Variants in DHX9 observed in about 807,000 individuals in gnomAD.
The protein encoded by DHX9 is ATP-dependent RNA helicase A.
Under a neutral mutation model 148.7 loss-of-function variants are expected in DHX9, and 27 were observed. That is an observed-to-expected ratio of 0.18 (90% CI 0.13 to 0.25). DHX9 has a LOEUF of 0.25. Among genes scored for constraint, DHX9 ranks in the 10% least tolerant of loss-of-function variants. The pLI, the probability that DHX9 is intolerant of heterozygous loss-of-function variation, is 1.00. For synonymous variants in DHX9, 529 were observed against 516.6 expected, an observed-to-expected ratio of 1.02 and a Z score of -0.33; for missense variants, 796 against 1,559.6, an observed-to-expected ratio of 0.51 and a Z score of 8.25.
intron 20 of DHX9, among the ~76,000 whole-genome samples, chr1:182,878,853 A>G (rs147156057): frequency 6.6e-5 from 10 of 152,376 alleles, no homozygotes; most frequent in African/African-American, 2.2e-4. Context: ...CTAAAATTAC[A>G]TGAACTAGGA....
rs754968514 is a variant in DHX9 at position 182,860,004 on chromosome 1, G to A, written c.1152G>A (p.Glu384=). 2.0e-5 allele frequency: 33 copies of A among 1,611,430 alleles called. No homozygotes were observed. The Admixed American group carries it at 5.5e-4, about 27-fold the overall frequency. The part of the protein sequence containing the change: ...QDHDLQAILQ[E]RELLPVKKFE... ...CTTTTCTAATGCAGATCTTGCAGGA[G>A]AGAGAGTTACTGCCTGTGAAGAAAT... Residue 384 remains glutamate (E), a synonymous_variant, in exon 12 of 28, where the codon GAG becomes GAA. Coordinates refer to ENST00000367549, the MANE Select transcript of DHX9 (RefSeq NM_001357.5).
chr1:182,843,632 T>A (rs915348500), intron 3 of DHX9, among the ~76,000 whole-genome samples, 198 bp downstream of exon 3: 2 of 152,238 alleles, frequency 1.3e-5, no homozygotes, highest in Non-Finnish European at 2.9e-5. Flanking sequence ...TATACCTGTC[T>A]TAGGGGCTTG....
Position 182,884,824 on chromosome 1 carries a change from A to G in DHX9, c.3461+11A>G, listed in dbSNP as rs910548050. 4 of 1,613,486 alleles carry G rather than the reference A, an allele frequency of 2.5e-6. No individual in the cohort carries two copies. The highest frequency in any genetic ancestry group is 2.2e-5 in the South Asian group (2 of 91,066). Reference sequence around the variant, plus strand: ...GATTGGCAGTACACGGTGAGTACCAATATACTTCTTACTGAACCAAGTAGA... The same window carrying G: ...GATTGGCAGTACACGGTGAGTACCAGTATACTTCTTACTGAACCAAGTAGA... On this transcript the variant is annotated intron_variant, in intron 27 of 27. Transcript: ENST00000367549.
At chr1:182,851,828 ATAAAAT>A (rs1452183544) in intron 3 of DHX9, among the ~76,000 whole-genome samples, 3 of 152,240 alleles carry the variant, frequency 2.0e-5, no homozygotes, top group Admixed American at 6.5e-5. Context: ...AAAGTATTTG[ATAAAAT>A]TAAACACTAA....
intron 6 of DHX9, chr1:182,855,850 A>G (rs1668241437): frequency 1.7e-6 from 1 of 598,972 alleles, no homozygotes; most frequent in African/African-American, 2.0e-5. Context: ...TAGTTATCAA[A>G]GGGCAGTTTT....
chr1:182,853,287 A>AT lies in DHX9; in HGVS notation c.365-11dup, dbSNP rs763016399. 16 of 1,563,108 alleles carry AT rather than the reference A, an allele frequency of 1.0e-5. No individual in the cohort carries two copies. Among genetic ancestry groups the AT allele is most frequent in the South Asian group, 6.8e-5 (6 of 88,464 alleles). On this transcript the variant is annotated intron_variant, in intron 4 of 27. Transcript: ENST00000367549. Reference sequence around the variant, plus strand: ...TCTACAGTTATGACTCATTAAGAGAATTTTTTTTCTTTTAACAGAAAATAA... The same window carrying AT: ...TCTACAGTTATGACTCATTAAGAGAATTTTTTTTTCTTTTAACAGAAAATAA...
chr1:182,870,362 C>T (rs1037765034), intron 14 of DHX9, among the ~76,000 whole-genome samples: 2 of 152,116 alleles, frequency 1.3e-5, no homozygotes, highest in Non-Finnish European at 2.9e-5. Flanking sequence ...GCCAGTATTT[C>T]TAAAGAAGAG....
intron 5 of DHX9, among the ~76,000 whole-genome samples, chr1:182,853,793 A>AT (rs377330722): frequency 0.024 from 3,558 of 145,570 alleles, 53 homozygotes; most frequent in East Asian, 0.068. Context: ...AGAAGTTGTC[A>AT]TTTTTTTTTT....
chr1:182,859,366 T>G (rs1319974166), intron 11 of DHX9, among the ~76,000 whole-genome samples: 1 of 152,182 alleles, frequency 6.6e-6, no homozygotes, highest in Non-Finnish European at 1.5e-5. Flanking sequence ...TTGTTGTTGG[T>G]TTTTTTGTTT....
chr1:182,846,688 G>T (rs1668036170), intron 3 of DHX9, among the ~76,000 whole-genome samples: 1 of 152,152 alleles, frequency 6.6e-6, no homozygotes. Context: ...AGTATTTTGT[G>T]TTGTGACCGG....
chr1:182,849,356 A>T (rs1282151225), intron 3 of DHX9, among the ~76,000 whole-genome samples: 1 of 152,212 alleles, frequency 6.6e-6, no homozygotes, highest in East Asian at 1.9e-4. Flanking sequence ...CATCCCAGAC[A>T]TCTTATTCAT....
intron 14 of DHX9, among the ~76,000 whole-genome samples, chr1:182,868,351 G>A (rs1042243458): frequency 2.0e-5 from 3 of 151,892 alleles, no homozygotes; most frequent in African/African-American, 4.8e-5. Context: ...GTAGTGTCCA[G>A]GGATTGGGAA....
chr1:182,881,962 A>G (rs994881301), intron 24 of DHX9, among the ~76,000 whole-genome samples: 1 of 152,238 alleles, frequency 6.6e-6, no homozygotes, highest in Non-Finnish European at 1.5e-5. Flanking sequence ...TAACATAGAA[A>G]AAAACCAACC....
chr1:182,883,735 A>G, intron 26 of DHX9, 100 bp downstream of exon 26: 1 of 740,516 alleles, frequency 1.4e-6, no homozygotes, highest in Non-Finnish European at 2.2e-6. Context: ...AATTATATCT[A>G]ACTTAATTAT....
At chr1:182,846,631 G>A (rs1668035034) in intron 3 of DHX9, among the ~76,000 whole-genome samples, 2 of 152,202 alleles carry the variant, frequency 1.3e-5, no homozygotes, top group Admixed American at 6.5e-5. Flanking sequence ...CATATGTAAT[G>A]TGGTAGTCTG....
chr1:182,844,421 T>G (rs901918239), intron 3 of DHX9, among the ~76,000 whole-genome samples: 1 of 152,194 alleles, frequency 6.6e-6, no homozygotes, highest in African/African-American at 2.4e-5. Flanking sequence ...TTTTTGGGGC[T>G]CAATCAAACT....
intron 11 of DHX9, among the ~76,000 whole-genome samples, 175 bp from the exon 12 acceptor site, chr1:182,859,818 G>GGCTA (rs1235852887): frequency 6.6e-6 from 1 of 152,100 alleles, no homozygotes; most frequent in Non-Finnish European, 1.5e-5. Flanking sequence ...TCACCATGTT[G>GGCTA]GCTAGGCTGG....
chr1:182,853,861 T>C (rs1409138710), intron 5 of DHX9, among the ~76,000 whole-genome samples, 169 bp from the exon 6 acceptor site: 2 of 152,206 alleles, frequency 1.3e-5, no homozygotes, highest in Non-Finnish European at 2.9e-5. Flanking sequence ...ATAGGGCCTT[T>C]AGATGCAATA....
At chr1:182,861,345 C>G (rs529254397) in intron 12 of DHX9, among the ~76,000 whole-genome samples, 1 of 152,274 alleles carries the variant, frequency 6.6e-6, no homozygotes, top group Non-Finnish European at 1.5e-5. Context: ...ACCCCTAAAA[C>G]TGGCTATGGA....
Sources: allele counts gnomAD v4.1 joint callset (sites outside exome capture counted in the v4.1 genomes callset), GRCh38; gene constraint gnomAD v4.1.1; transcripts MANE v1.5; gene names NCBI Gene and HGNC (gene_info 2026-07-23, HGNC 2026-07-21).